Variants in GCFC2 observed in about 807,000 individuals in gnomAD.
The protein encoded by GCFC2 is intron Large complex component GCFC2.
Under a neutral mutation model 99.4 loss-of-function variants are expected in GCFC2, and 102 were observed. The ratio of observed to expected loss-of-function variants is 1.03; its 90% CI spans 0.87 to 1.21. The LOEUF (loss-of-function observed/expected upper bound fraction) is 1.21. Among genes scored for constraint, GCFC2 ranks in the 50% most tolerant of loss-of-function variants. GCFC2 has a pLI of 0.00. For missense variants in GCFC2, 973 were observed against 920.9 expected (o/e 1.06, Z -0.73); for synonymous variants, 338 against 316.8 (o/e 1.07, Z -0.71).
intron 12 of GCFC2, 124 bp from the exon 13 acceptor site, chr2:75,673,644 T>A: frequency 3.2e-6 from 2 of 618,438 alleles, no homozygotes; most frequent in Non-Finnish European, 2.9e-6. Flanking sequence ...AAAATAACTA[T>A]CAATTGGGTA....
chr2:75,668,613 A>C (rs987059721), intron 15 of GCFC2, among the ~76,000 whole-genome samples: 1 of 152,192 alleles, frequency 6.6e-6, no homozygotes, highest in Non-Finnish European at 1.5e-5. Context: ...TTGTGAACCC[A>C]AAAGTATCTG....
In GCFC2 at chr2:75,687,589, T is replaced by A. The variant is rs118142826; in HGVS notation, c.1690+238A>T. On this transcript the variant is annotated intron_variant, in intron 11 of 16. Coordinates refer to ENST00000321027, the MANE Select transcript of GCFC2 (RefSeq NM_003203.5). ...AAGGGTCAACTGTTGGAACTGCTGA[T>A]GATACGTCAGATGAGGATTAGTGAT... Among the ~76,000 whole-genome samples the A allele has an allele frequency of 5.9e-5, 9 of 152,328 alleles. No homozygotes were observed. In the East Asian group the frequency reaches 1.7e-3, roughly 29 times the overall value.
rs1362777508 is a variant in GCFC2 at position 75,663,559 on chromosome 2, C to T, written c.*1107G>A. On this transcript the variant is annotated 3_prime_UTR_variant, in exon 17 of 17. Transcript: ENST00000321027. ...AATGACTTAATGCTTCAAAAAACAT[C>T]AACAAATTTAAAAGAAAGGCCAAAC... 1 of 151,896 alleles carries T rather than the reference C, an allele frequency of 6.6e-6. No individual in the cohort carries two copies. 9.4% of individuals were successfully genotyped at this position (151,896 alleles called of 1,614,324 possible).
intron 11 of GCFC2, among the ~76,000 whole-genome samples, chr2:75,683,311 T>C (rs1459681969): frequency 6.6e-6 from 1 of 151,874 alleles, no homozygotes; most frequent in Non-Finnish European, 1.5e-5. Context: ...AAGAAATGAA[T>C]TTTCAATCCA....
intron 4 of GCFC2, chr2:75,697,992 T>C (rs574849002): frequency 6.6e-5 from 10 of 152,158 alleles, no homozygotes; most frequent in Non-Finnish European, 1.5e-4. Context: ...CTTCTATTGT[T>C]TTAAGCCACC....
At chr2:75,704,985 A>G (rs1259601175) in intron 2 of GCFC2, among the ~76,000 whole-genome samples, 2 of 152,228 alleles carry the variant, frequency 1.3e-5, no homozygotes, top group Non-Finnish European at 2.9e-5. Context: ...CATCTTTTAT[A>G]GTAGCATTGT....
At chr2:75,665,037 C>T (rs926293300) in intron 16 of GCFC2, among the ~76,000 whole-genome samples, 1 of 152,110 alleles carries the variant, frequency 6.6e-6, no homozygotes, top group African/African-American at 2.4e-5. Flanking sequence ...TATAGTAAGT[C>T]TATCAGAAAT....
At chr2:75,691,640 A>G (rs1352617273) in intron 7 of GCFC2, among the ~76,000 whole-genome samples, 1 of 152,206 alleles carries the variant, frequency 6.6e-6, no homozygotes, top group Admixed American at 6.5e-5. Context: ...ACTCACCAGA[A>G]CCAATCTGTA....
chr2:75,681,743 C>T (rs2104290860), intron 11 of GCFC2, among the ~76,000 whole-genome samples: 1 of 151,984 alleles, frequency 6.6e-6, no homozygotes, highest in East Asian at 1.9e-4. Context: ...ACCTGAGATG[C>T]TTCAGCTTGG....
chr2:75,680,987 C>T (rs1679548991), intron 11 of GCFC2, among the ~76,000 whole-genome samples: 1 of 152,192 alleles, frequency 6.6e-6, no homozygotes, highest in Non-Finnish European at 1.5e-5. Flanking sequence ...GATGAGATCC[C>T]AAGCCTTTTG....
chr2:75,674,795 A>C (rs1679268823), intron 12 of GCFC2, among the ~76,000 whole-genome samples: 1 of 152,208 alleles, frequency 6.6e-6, no homozygotes, highest in Non-Finnish European at 1.5e-5. Context: ...CATGACCTGA[A>C]GTCGTTTCTC....
In GCFC2 at chr2:75,690,821, T is replaced by A. The variant is rs942188439; in HGVS notation, c.1145-102A>T. On this transcript the variant is annotated intron_variant, in intron 7 of 16. Transcript: ENST00000321027. Reference sequence around the variant, plus strand: ...TATCATGGATGTATAAACATATGCATATGTAAATACATAAATATGCTTAAA... The same window carrying A: ...TATCATGGATGTATAAACATATGCAAATGTAAATACATAAATATGCTTAAA... 4 of 645,862 alleles carry A rather than the reference T, an allele frequency of 6.2e-6. No homozygotes were observed. The African/African-American group carries it at 7.4e-5, about 12-fold the overall frequency. The allele number at this position is 645,862 out of a possible 1,614,324, so 40.0% of individuals were successfully genotyped here. A position where few individuals can be genotyped will look rare whatever the true frequency, so the allele number is the denominator to read the frequency against.
intron 12 of GCFC2, among the ~76,000 whole-genome samples, chr2:75,679,045 G>A (rs573255084): frequency 3.3e-5 from 5 of 151,962 alleles, no homozygotes; most frequent in African/African-American, 1.2e-4. Context: ...ACAGGTACAA[G>A]ACCTTACAGA....
chr2:75,676,020 G>A (rs1679323169), intron 12 of GCFC2, among the ~76,000 whole-genome samples: 1 of 152,116 alleles, frequency 6.6e-6, no homozygotes, highest in Non-Finnish European at 1.5e-5. Flanking sequence ...GGTAATCCCA[G>A]GATGGCCTGG....
chr2:75,664,475 C>A lies in GCFC2; in HGVS notation c.*191G>T. 1 of 391,900 alleles carries A rather than the reference C, an allele frequency of 2.6e-6. No individual in the cohort carries two copies. The highest frequency in any genetic ancestry group is 4.4e-5 in the Admixed American group (1 of 22,944). 24.3% of individuals were successfully genotyped at this position (391,900 alleles called of 1,614,324 possible). On this transcript the variant is annotated 3_prime_UTR_variant, in exon 17 of 17. Coordinates refer to ENST00000321027, the MANE Select transcript of GCFC2 (RefSeq NM_003203.5). The stretch of plus-strand genomic sequence containing the variant: ...CAGTGCATTTAATTCCTTAGAACAC[C>A]ACAGAATCATGGCAGCTTTTCATGA...
At chr2:75,670,493 T>C in intron 14 of GCFC2, 1 of 411,268 alleles carries the variant, frequency 2.4e-6, no homozygotes, top group Non-Finnish European at 4.5e-6. Context: ...TTTTCTAGGA[T>C]AACCATCCCC....
intron 11 of GCFC2, among the ~76,000 whole-genome samples, chr2:75,682,392 T>C (rs1301349473): frequency 6.6e-6 from 1 of 151,654 alleles, no homozygotes; most frequent in African/African-American, 2.4e-5. Flanking sequence ...CAGAAAAGAA[T>C]AGTATCAGCA....
At chr2:75,711,205 T>C (rs1356649397), upstream of GCFC2, 14 of 985,242 alleles carry the variant, frequency 1.4e-5, no homozygotes, top group Non-Finnish European at 1.7e-5. Context: ...TCAAGCGTTA[T>C]GCTTTCCGTC....
At chr2:75,672,055 G>A in intron 13 of GCFC2, 39 bp from the exon 14 acceptor site, 1 of 1,122,386 alleles carries the variant, frequency 8.9e-7, no homozygotes, top group South Asian at 1.3e-5. Context: ...AAAATGCAAA[G>A]AACTATTAGT....
Sources: allele counts gnomAD v4.1 joint callset (sites outside exome capture counted in the v4.1 genomes callset), GRCh38; gene constraint gnomAD v4.1.1; transcripts MANE v1.5; gene names NCBI Gene and HGNC (gene_info 2026-07-23, HGNC 2026-07-21).